FAM135B: variants seen among roughly 807,000 people sequenced by gnomAD.
FAM135B encodes the protein family with sequence similarity 135 member B, also known as protein FAM135B.
FAM135B carries 43 observed loss-of-function variants against 127.7 expected under a neutral mutation model. The observed-to-expected ratio is 0.34, with a 90% CI of 0.26 to 0.43. FAM135B has a LOEUF of 0.43. FAM135B is among the 20% of genes least tolerant of loss of function. FAM135B has a pLI of 1.00. For synonymous variants in FAM135B, 670 were observed against 665.1 expected (o/e 1.01, Z -0.11); for missense variants, 1,558 against 1,725.6 (o/e 0.90, Z 1.72).
chr8:138,300,272 A>AC (rs1375514971), intron 3 of FAM135B, among the ~76,000 whole-genome samples: 5 of 151,504 alleles, frequency 3.3e-5, no homozygotes, highest in Non-Finnish European at 7.4e-5. Flanking sequence ...TAATTAAAAA[A>AC]AAAAATCCAC....
chr8:138,411,609 T>C (rs1833871604), intron 1 of FAM135B, among the ~76,000 whole-genome samples: 2 of 152,176 alleles, frequency 1.3e-5, no homozygotes, highest in South Asian at 4.2e-4. Context: ...CCAAAAGCAA[T>C]GGCAACAAAA....
chr8:138,152,493 G>A lies in FAM135B; in HGVS notation c.1982C>T (p.Ser661Phe), dbSNP rs1485298329. 6.2e-7 allele frequency: 1 copy of A among 1,614,054 alleles called. No individual in the cohort carries two copies. Among genetic ancestry groups the A allele is most frequent in the South Asian group, 1.1e-5 (1 of 91,080 alleles). ...GAGTTCCTCCTGCTCTTCTGTGTGA[G>A]AGTCCTTTAGGGAAGACCTAATATC... ...PLDIRSSLKD[S>F]HTEEQEELSV... Residue 661 changes from serine (S) to phenylalanine (F), a missense_variant, in exon 13 of 20, where the codon TCT (serine) becomes TTT (phenylalanine). This residue lies in a region of FAM135B where 923 missense variants were observed against 865.3 expected (regional missense o/e 1.07). Coordinates refer to ENST00000395297, the MANE Select transcript of FAM135B (RefSeq NM_015912.4).
chr8:138,474,387 T>G (rs1814274190), intron 1 of FAM135B, among the ~76,000 whole-genome samples: 1 of 152,204 alleles, frequency 6.6e-6, no homozygotes, highest in Non-Finnish European at 1.5e-5. Flanking sequence ...GATACATGTT[T>G]GTAAGGAACA....
chr8:138,227,708 GTC>G (rs1244281518), intron 7 of FAM135B, among the ~76,000 whole-genome samples: 1 of 113,718 alleles, frequency 8.8e-6, no homozygotes, highest in South Asian at 2.9e-4. Context: ...TTTTAATTTT[GTC>G]TCTCTTTTTT....
At chr8:138,333,410 T>C (rs1047960669) in intron 2 of FAM135B, among the ~76,000 whole-genome samples, 1 of 152,166 alleles carries the variant, frequency 6.6e-6, no homozygotes, top group African/African-American at 2.4e-5. Context: ...AAATGCATCA[T>C]GCCCTTCCAC....
intron 3 of FAM135B, among the ~76,000 whole-genome samples, chr8:138,290,196 G>C (rs55831343): frequency 0.027 from 4,083 of 152,294 alleles, 80 homozygotes; most frequent in Non-Finnish European, 0.045. Context: ...ACCCTTGGCA[G>C]GGAAGGCAGA....
At chr8:138,425,473 C>T (rs1475356097) in intron 1 of FAM135B, 1 of 152,148 alleles carries the variant, frequency 6.6e-6, no homozygotes, top group Non-Finnish European at 1.5e-5. Context: ...GGGACAGAAC[C>T]TCCTTATGTA....
At chr8:138,459,423 TC>T (rs1836993216) in intron 1 of FAM135B, 1 of 152,026 alleles carries the variant, frequency 6.6e-6, no homozygotes, top group African/African-American at 2.4e-5. Context: ...AAAAGGCACT[TC>T]AAAAAATCCT....
intron 4 of FAM135B, among the ~76,000 whole-genome samples, chr8:138,261,662 A>T (rs1822547335): frequency 6.6e-6 from 1 of 151,966 alleles, no homozygotes; most frequent in Admixed American, 6.6e-5. Context: ...CTCCAGACTC[A>T]CTCTTTGCAA....
intron 7 of FAM135B, among the ~76,000 whole-genome samples, chr8:138,224,976 A>G (rs1454183047): frequency 6.6e-6 from 1 of 152,208 alleles, no homozygotes; most frequent in East Asian, 1.9e-4. Context: ...GTTCAAGGAT[A>G]ACAAAGTTTC....
intron 1 of FAM135B, among the ~76,000 whole-genome samples, chr8:138,398,612 A>T (rs1038904094): frequency 4.6e-5 from 7 of 152,182 alleles, no homozygotes; most frequent in Non-Finnish European, 8.8e-5. Context: ...GAAAGAATGC[A>T]GACATTAGAA....
chr8:138,167,065 A>G (rs1276705322), intron 12 of FAM135B, among the ~76,000 whole-genome samples: 2 of 152,022 alleles, frequency 1.3e-5, no homozygotes, highest in Admixed American at 6.6e-5. Context: ...CAATTCACCT[A>G]ATGTGCACAG....
intron 6 of FAM135B, 27 bp downstream of exon 6, chr8:138,250,814 T>C: frequency 6.2e-7 from 1 of 1,611,252 alleles, no homozygotes; most frequent in East Asian, 2.2e-5. Context: ...GGCTCCCACA[T>C]ATCAGGGCTG....
At chr8:138,439,377 G>A (rs1288472724) in intron 1 of FAM135B, 1 of 152,166 alleles carries the variant, frequency 6.6e-6, no homozygotes, top group Non-Finnish European at 1.5e-5. Flanking sequence ...ATTCAGACCT[G>A]CCTGATCCCA....
At chr8:138,402,475 T>C (rs1419980922) in intron 1 of FAM135B, among the ~76,000 whole-genome samples, 1 of 152,204 alleles carries the variant, frequency 6.6e-6, no homozygotes. Flanking sequence ...AATTCTGTTA[T>C]GTCTGCACCC....
intron 1 of FAM135B, among the ~76,000 whole-genome samples, chr8:138,486,088 T>C (rs1814973269): frequency 6.6e-6 from 1 of 151,862 alleles, no homozygotes; most frequent in Non-Finnish European, 1.5e-5. Flanking sequence ...GAACAGCTAA[T>C]GCAACCCCAC....
intron 1 of FAM135B, among the ~76,000 whole-genome samples, chr8:138,469,211 GGAAA>G (rs200835845): frequency 0.028 from 4,239 of 151,588 alleles, 151 homozygotes; most frequent in African/African-American, 0.082. Context: ...CAGAAAGAAA[GGAAA>G]GAAAGAAAGA....
chr8:138,176,055 A>G (rs1814435154), intron 11 of FAM135B, among the ~76,000 whole-genome samples: 1 of 152,232 alleles, frequency 6.6e-6, no homozygotes, highest in Admixed American at 6.5e-5. Context: ...TGAGAAAAAA[A>G]CAAGAAGGAC....
At chr8:138,163,151 T>C (rs1819555221) in intron 12 of FAM135B, among the ~76,000 whole-genome samples, 4 of 152,242 alleles carry the variant, frequency 2.6e-5, no homozygotes, top group Non-Finnish European at 5.9e-5. Flanking sequence ...TTAAGTGTTT[T>C]ATGGACTGAT....
Sources: gnomAD v4.1 joint callset for allele counts (sites outside exome capture counted in the v4.1 genomes callset) on GRCh38, gnomAD v4.1.1 for gene constraint, gnomAD v4.1.1 regional missense constraint, MANE v1.5 for transcripts, NCBI Gene and HGNC (gene_info 2026-07-23, HGNC 2026-07-21) for gene names.